The following FANCL variants were observed in gnomAD, a reference collection of about 807,000 sequenced individuals.
FANCL encodes E3 ubiquitin-protein ligase FANCL.
A neutral mutation model predicts 59.4 loss-of-function variants in FANCL; 69 were observed. The observed-to-expected ratio is 1.16, with a 90% confidence interval of 0.96 to 1.42. FANCL has a LOEUF of 1.42. FANCL is among the 40% of genes most tolerant of loss of function. FANCL has a pLI of 0.00. For synonymous variants in FANCL, 180 were observed against 147.1 expected (o/e 1.22, Z -1.62); for missense variants, 519 against 447.2 (o/e 1.16, Z -1.45).
At chr2:58,223,559 G>GT (rs1672878218) in intron 4 of FANCL, among the ~76,000 whole-genome samples, 2 of 151,900 alleles carry the variant, frequency 1.3e-5, no homozygotes, top group South Asian at 4.1e-4. Flanking sequence ...CTGTAGAACC[G>GT]TAACAGCTAA....
intron 7 of FANCL, among the ~76,000 whole-genome samples, chr2:58,195,936 C>G (rs888066181): frequency 1.1e-4 from 17 of 152,110 alleles, no homozygotes. Context: ...AAGTCTCATA[C>G]ATGTGCACAA....
At chr2:58,228,052 A>C (rs1419500769) in intron 3 of FANCL, among the ~76,000 whole-genome samples, 3 of 145,924 alleles carry the variant, frequency 2.1e-5, no homozygotes, top group African/African-American at 7.9e-5. Flanking sequence ...ATTAACAATT[A>C]TTAATTAACA....
At chr2:58,217,203 TATATATATATATAC>T (rs1181380100) in intron 5 of FANCL, among the ~76,000 whole-genome samples, 93 of 8,710 alleles carry the variant, frequency 0.011, no homozygotes, top group South Asian at 0.057. Context: ...TATATATATA[TATATATATATATAC>T]ACACACACAC....
intron 3 of FANCL, among the ~76,000 whole-genome samples, chr2:58,228,716 T>C (rs982398227): frequency 7.0e-4 from 106 of 152,310 alleles, no homozygotes; most frequent in African/African-American, 2.4e-3. Flanking sequence ...AATAGTAATA[T>C]TCACTGGGAC....
chr2:58,171,032 G>A (rs192233717), intron 7 of FANCL, among the ~76,000 whole-genome samples: 8 of 152,082 alleles, frequency 5.3e-5, no homozygotes, highest in Admixed American at 4.6e-4. Context: ...AGACCTAATA[G>A]ACATCTACAC....
At chr2:58,191,903 T>C (rs1214116276) in intron 7 of FANCL, among the ~76,000 whole-genome samples, 2 of 151,916 alleles carry the variant, frequency 1.3e-5, no homozygotes, top group Admixed American at 6.6e-5. Context: ...ATGTAATCTA[T>C]GACACAGATA....
At chr2:58,162,614 G>A (rs888890149) in intron 11 of FANCL, among the ~76,000 whole-genome samples, 6 of 151,742 alleles carry the variant, frequency 4.0e-5, no homozygotes, top group African/African-American at 1.5e-4. Flanking sequence ...GGTCCTGCAG[G>A]GTAACTGTGG....
intron 7 of FANCL, among the ~76,000 whole-genome samples, chr2:58,179,784 G>A (rs924024856): frequency 5.3e-5 from 8 of 152,050 alleles, no homozygotes; most frequent in Non-Finnish European, 1.2e-4. Flanking sequence ...TCATTAGAGT[G>A]AACAGGCAAT....
chr2:58,177,709 C>A (rs1687489676), intron 7 of FANCL, among the ~76,000 whole-genome samples: 1 of 150,274 alleles, frequency 6.7e-6, no homozygotes, highest in Non-Finnish European at 1.5e-5. Flanking sequence ...TGCAGCACAC[C>A]AGCATGGCAC....
intron 5 of FANCL, among the ~76,000 whole-genome samples, chr2:58,209,401 A>G (rs939330005): frequency 6.6e-6 from 1 of 152,116 alleles, no homozygotes; most frequent in Non-Finnish European, 1.5e-5. Context: ...ACTACTAGAT[A>G]ATTTGCAGTT....
intron 7 of FANCL, among the ~76,000 whole-genome samples, chr2:58,186,773 G>A (rs891666801): frequency 3.9e-5 from 6 of 152,156 alleles, no homozygotes; most frequent in African/African-American, 7.2e-5. Flanking sequence ...TGGCGGAACC[G>A]CAGTGAATTG....
chr2:58,215,298 G>T (rs936323022), intron 5 of FANCL, among the ~76,000 whole-genome samples: 1 of 152,036 alleles, frequency 6.6e-6, no homozygotes, highest in East Asian at 1.9e-4. Context: ...TTATTTAAAA[G>T]GCTCCAACCA....
At chr2:58,171,140 A>AG (rs1468526534) in intron 7 of FANCL, among the ~76,000 whole-genome samples, 2 of 152,236 alleles carry the variant, frequency 1.3e-5, no homozygotes, top group African/African-American at 4.8e-5. Context: ...AACACTCTTC[A>AG]GCAAATGCAA....
intron 2 of FANCL, among the ~76,000 whole-genome samples, chr2:58,230,738 G>C (rs1408969916): frequency 6.6e-6 from 1 of 152,030 alleles, no homozygotes; most frequent in East Asian, 1.9e-4. Context: ...ATGTCCATTG[G>C]TAACCCCTGC....
In FANCL at chr2:58,163,083, T is replaced by TAAA; in HGVS notation, c.776-12_776-10dup. The TAAA allele has an allele frequency of 7.8e-7, 1 of 1,282,058 alleles. No homozygotes were observed. Among genetic ancestry groups the TAAA allele is most frequent in the Non-Finnish European group, 1.1e-6 (1 of 932,094 alleles). The allele number at this position is 1,282,058 out of a possible 1,614,324, so 79.4% of individuals were successfully genotyped here. On this transcript the variant is annotated splice_polypyrimidine_tract_variant and intron_variant, in intron 9 of 13. Transcript: ENST00000233741. ...TCCCAGGGGTTTTACCACTTCAGAT[T>TAAA]AAAAAAAAAAAATTTAATAATTGCA...
chr2:58,226,688 G>A (rs746676234), intron 4 of FANCL, 40 bp downstream of exon 4: 1 of 1,431,570 alleles, frequency 7.0e-7, no homozygotes. Flanking sequence ...ATCAAGACTT[G>A]CAGTATGGTA....
chr2:58,234,395 G>A (rs1461186719), intron 1 of FANCL, among the ~76,000 whole-genome samples: 1 of 151,600 alleles, frequency 6.6e-6, no homozygotes. Context: ...TTTAAAAAGA[G>A]TCCAAGGAAG....
chr2:58,218,181 T>C (rs1462860296), intron 5 of FANCL, among the ~76,000 whole-genome samples: 2 of 151,918 alleles, frequency 1.3e-5, no homozygotes, highest in African/African-American at 4.8e-5. Flanking sequence ...TGCTTACAAA[T>C]TTACAGCCTT....
rs778392579 is a variant in FANCL, at chr2:58,241,302, C to G, written c.12G>C (p.Thr4=). The G allele has an allele frequency of 3.7e-6, 6 of 1,614,180 alleles. No individual in the cohort carries two copies. Among genetic ancestry groups the G allele is most frequent in the Non-Finnish European group, 4.2e-6 (5 of 1,180,032 alleles). Residue 4 remains threonine, a synonymous_variant, in exon 1 of 14, where the codon ACG becomes ACC. Transcript: ENST00000233741. ...GGCACTGGCGCAACAGGCTCGCTTC[C>G]GTCACCGCCATGGCTCGAAGTCCGG... MAV[T]EASLLRQCPL... is the part of the protein sequence containing the mutation.
Sources: allele counts gnomAD v4.1 joint callset (sites outside exome capture counted in the v4.1 genomes callset), GRCh38; gene constraint gnomAD v4.1.1; transcripts MANE v1.5; gene names NCBI Gene and HGNC (gene_info 2026-07-23, HGNC 2026-07-21).